PCDHGA6: variants seen among roughly 807,000 people sequenced by gnomAD.
PCDHGA6 encodes the protein protocadherin gamma subfamily A, 6, also known as protocadherin gamma-A6.
A neutral mutation model predicts 60.6 loss-of-function variants in PCDHGA6; 41 were observed. The observed-to-expected ratio is 0.68, with a 90% CI of 0.53 to 0.88. PCDHGA6 has a LOEUF of 0.88. Ranked by LOEUF, PCDHGA6 falls within the 40% of genes least tolerant of loss-of-function variation. PCDHGA6 has a pLI of 0.00. For missense variants in PCDHGA6, 1,312 were observed against 1,203.0 expected (o/e 1.09, Z -1.34); for synonymous variants, 594 against 524.4 (o/e 1.13, Z -1.81).
At chr5:141,494,676 CT>C (rs2099756021) in intron 1 of PCDHGA6, 130 bp from the exon 2 acceptor site, 6 of 1,550,918 alleles carry the variant, frequency 3.9e-6, no homozygotes, top group Non-Finnish European at 4.4e-6. Context: ...GAGTCCACCC[CT>C]GCCCCCTCTT....
At position 141,491,578 on chromosome 5, in the gene PCDHGA6, C is replaced by T. The variant is rs1438933474; in HGVS notation, c.2425-3229C>T. 7.4e-6 allele frequency: 12 copies of T among 1,613,888 alleles called. No homozygotes were observed. The highest frequency in any genetic ancestry group is 1.0e-5 in the Non-Finnish European group (12 of 1,180,044). On this transcript the variant is annotated intron_variant, in intron 1 of 3. Coordinates refer to ENST00000517434, the MANE Select transcript of PCDHGA6 (RefSeq NM_018919.3). This position sits in a 1 kb window ranked among gnomAD's most constrained non-coding sequence, Gnocchi z 6.9. ...CCACTGCTACAGGACGTGCTTTTCA[C>T]CGGCCTCGGACGGCAGTGACTTCAC...
chr5:141,388,892 A>G (rs1370408221), intron 1 of PCDHGA6: 1 of 1,613,996 alleles, frequency 6.2e-7, no homozygotes, highest in Non-Finnish European at 8.5e-7. Context: ...TAGAAGTCAT[A>G]GATGAAAATG....
At chr5:141,419,477 C>G (rs760970548) in intron 1 of PCDHGA6, 1 of 1,612,420 alleles carries the variant, frequency 6.2e-7, no homozygotes, top group Non-Finnish European at 8.5e-7. Flanking sequence ...CCAGGGCTCG[C>G]CCGCGCTCAG....
chr5:141,415,121 C>T (rs2095831464), intron 1 of PCDHGA6: 1 of 1,613,522 alleles, frequency 6.2e-7, no homozygotes, highest in South Asian at 1.1e-5. Context: ...CTCGTAGTGG[C>T]CGTCCAGGAC....
Position 141,487,321 on chromosome 5 carries a change from T to C in PCDHGA6, c.2425-7486T>C. 1.2e-6 allele frequency: 2 copies of C among 1,614,198 alleles called. No individual in the cohort carries two copies. The highest frequency in any genetic ancestry group is 1.7e-6 in the Non-Finnish European group (2 of 1,180,040). Reference sequence around the variant, plus strand: ...TCGTGGCACTACTCTCTAAGTGTCTTCGTGGGGCAGCCTGTGGAGTCACAT... The same window carrying C: ...TCGTGGCACTACTCTCTAAGTGTCTCCGTGGGGCAGCCTGTGGAGTCACAT... On this transcript the variant is annotated intron_variant, in intron 1 of 3. Transcript: ENST00000517434. The surrounding 1 kb of genome is among the most constrained non-coding windows in gnomAD (Gnocchi z 5.0).
chr5:141,397,602 G>T (rs2150712888), intron 1 of PCDHGA6, among the ~76,000 whole-genome samples: 1 of 152,296 alleles, frequency 6.6e-6, no homozygotes, highest in African/African-American at 2.4e-5. Flanking sequence ...TATTGCCAGT[G>T]ACAAGGGCAA....
chr5:141,409,828 C>T (rs2154542180), intron 1 of PCDHGA6: 1 of 1,611,128 alleles, frequency 6.2e-7, no homozygotes, highest in Non-Finnish European at 8.5e-7. Flanking sequence ...CGCCCACGCT[C>T]AGCGCCAACG....
At position 141,374,507 on chromosome 5, in the gene PCDHGA6, A is replaced by T; in HGVS notation, c.424A>T (p.Ile142Phe). The change falls in exon 1 of 4, where the codon ATT becomes TTT. Residue 142 changes from isoleucine to phenylalanine, a missense_variant. Ile to Phe is a conservative substitution (Grantham distance 21). Coordinates refer to ENST00000517434, the MANE Select transcript of PCDHGA6 (RefSeq NM_018919.3). ...RFLKEELEVK[I>F]LENAAPSSRF... ...CTTAAAGGAAGAATTGGAAGTGAAA[A>T]TTCTCGAAAACGCAGCTCCATCCTC... is the stretch of plus-strand genomic sequence containing the variant. 6.2e-7 allele frequency: 1 copy of T among 1,611,446 alleles called. No homozygotes were observed.
Position 141,432,923 on chromosome 5 carries a change from T to C in PCDHGA6, c.2424+56416T>C. ...GCTCAGGCTGCGGCGCTGGCACAAG[T>C]CACGCCTGCTGCAGGCTTCAGGAGG... On this transcript the variant is annotated intron_variant, in intron 1 of 3. Coordinates refer to ENST00000517434, the MANE Select transcript of PCDHGA6 (RefSeq NM_018919.3). This position sits in a 1 kb window ranked among gnomAD's most constrained non-coding sequence, Gnocchi z 6.0. The C allele has an allele frequency of 6.2e-7, 1 of 1,614,186 alleles. No homozygotes were observed. Among genetic ancestry groups the C allele is most frequent in the Non-Finnish European group, 8.5e-7 (1 of 1,180,034 alleles).
At chr5:141,383,109 T>C (rs562167618) in intron 1 of PCDHGA6, 78 of 1,613,790 alleles carry the variant, frequency 4.8e-5, no homozygotes, top group Non-Finnish European at 6.3e-5. Flanking sequence ...TCTCCAGAGG[T>C]AGGACGCAGC....
At position 141,511,345 on chromosome 5, in the gene PCDHGA6, T is replaced by C; in HGVS notation, c.*172T>C. ...AAGTGCCCAGTCAGCACCTACCCCT[T>C]CCCCCCCAGGGGGTTGAATATGCAA... On this transcript the variant is annotated 3_prime_UTR_variant, in exon 4 of 4. Transcript: ENST00000517434. The C allele has an allele frequency of 1.4e-6, 2 of 1,410,502 alleles. No homozygotes were observed. The highest frequency in any genetic ancestry group is 9.4e-7 in the Non-Finnish European group (1 of 1,060,676). 87.4% of individuals were successfully genotyped at this position (1,410,502 alleles called of 1,614,324 possible).
intron 1 of PCDHGA6, chr5:141,421,280 G>A (rs564480755): frequency 1.2e-6 from 2 of 1,612,948 alleles, no homozygotes; most frequent in South Asian, 2.2e-5. Context: ...CTGCTGCTGT[G>A]CATTTTCCTG....
In PCDHGA6 at chr5:141,389,617, A is replaced by G. The variant is rs375985151; in HGVS notation, c.2424+13110A>G. 179 of 1,612,924 alleles carry G rather than the reference A, an allele frequency of 1.1e-4. No individual in the cohort carries two copies. The Middle Eastern group carries it at 3.6e-3, about 32-fold the overall frequency. ...TCTGCGCTCTTCGATATGGTGCCGC[A>G]CGCTGCAGAGCCTGGCTACTTGGTG... is the stretch of plus-strand genomic sequence containing the variant. On this transcript the variant is annotated intron_variant, in intron 1 of 3. Transcript: ENST00000517434.
Position 141,432,072 on chromosome 5 carries a change from T to C in PCDHGA6, c.2424+55565T>C, listed in dbSNP as rs1236871982. The C allele has an allele frequency of 6.2e-7, 1 of 1,614,178 alleles. No homozygotes were observed. The highest frequency in any genetic ancestry group is 8.5e-7 in the Non-Finnish European group (1 of 1,180,032). On this transcript the variant is annotated intron_variant, in intron 1 of 3. Coordinates refer to ENST00000517434, the MANE Select transcript of PCDHGA6 (RefSeq NM_018919.3). This position sits in a 1 kb window ranked among gnomAD's most constrained non-coding sequence, Gnocchi z 6.0. ...CCGCCCCTATCCACGGAAACTCATA[T>C]CTCGCTGAACGTGGCAGACACCAAC...
intron 1 of PCDHGA6, chr5:141,418,522 C>A: frequency 6.2e-7 from 1 of 1,614,000 alleles, no homozygotes; most frequent in Non-Finnish European, 8.5e-7. Flanking sequence ...GGGACCCTCC[C>A]CGAAGCGGTA....
At chr5:141,501,116 C>T (rs1325487254) in intron 2 of PCDHGA6, among the ~76,000 whole-genome samples, 1 of 152,154 alleles carries the variant, frequency 6.6e-6, no homozygotes, top group Non-Finnish European at 1.5e-5. Flanking sequence ...ATCCGCCTGC[C>T]TCAGCCTCCC....
chr5:141,395,101 C>A (rs1197761808), intron 1 of PCDHGA6: 2 of 1,614,164 alleles, frequency 1.2e-6, no homozygotes, highest in East Asian at 4.5e-5. Context: ...ACCGCCGACT[C>A]GCGGAAGAGT....
At chr5:141,452,854 A>G (rs137963870) in intron 1 of PCDHGA6, among the ~76,000 whole-genome samples, 109 of 152,264 alleles carry the variant, frequency 7.2e-4, no homozygotes, top group African/African-American at 2.5e-3. Flanking sequence ...CTCTGGGGAG[A>G]TGATTTTCTA....
chr5:141,408,211 G>A (rs1285774248), intron 1 of PCDHGA6: 1 of 1,554,426 alleles, frequency 6.4e-7, no homozygotes, highest in South Asian at 1.2e-5. Flanking sequence ...CGATGGGAGG[G>A]AGCTGCGCGC....
Sources: allele counts gnomAD v4.1 joint callset (sites outside exome capture counted in the v4.1 genomes callset), GRCh38; gene constraint gnomAD v4.1.1; non-coding constraint Gnocchi (gnomAD v3.1); transcripts MANE v1.5; gene names NCBI Gene and HGNC (gene_info 2026-07-23, HGNC 2026-07-21).